The following ANKRD27 variants were observed in gnomAD, a reference collection of about 807,000 sequenced individuals.
The protein encoded by ANKRD27 is ankyrin repeat domain 27.
A neutral mutation model predicts 129.7 loss-of-function variants in ANKRD27; 112 were observed. The ratio of observed to expected loss-of-function variants is 0.86; its 90% CI spans 0.74 to 1.01. The LOEUF (loss-of-function observed/expected upper bound fraction) is 1.01, where lower values mean the gene tolerates loss of function less well. ANKRD27 is among the 50% of genes least tolerant of loss of function. The pLI, the probability that ANKRD27 is intolerant of heterozygous loss-of-function variation, is 0.00. For synonymous variants in ANKRD27, 516 were observed against 511.2 expected, an observed-to-expected ratio of 1.01 and a Z score of -0.13; for missense variants, 1,258 against 1,300.5, an observed-to-expected ratio of 0.97 and a Z score of 0.50.
At chr19:32,624,518 C>T (rs936299012) in intron 17 of ANKRD27, among the ~76,000 whole-genome samples, 8 of 152,186 alleles carry the variant, frequency 5.3e-5, no homozygotes, top group African/African-American at 1.9e-4. Flanking sequence ...GGCCTGAGCC[C>T]CACACACGTG....
rs1971581593 is a variant in ANKRD27, at chr19:32,597,140, CAAGAACATGGACAAAA to C, written c.*989_*1004del. The C allele has an allele frequency of 6.6e-6, 1 of 150,400 alleles. No individual in the cohort carries two copies. The highest frequency in any genetic ancestry group is 1.5e-5 in the Non-Finnish European group (1 of 67,506). The allele number at this position is 150,400 out of a possible 1,614,324, so 9.3% of individuals were successfully genotyped here. ...CCTTCTGTACATACACAAGTATTTCCAAGAACATGGACAAAACCATTTCCCTATCACAAGGTCATTT... is the reference window on the plus strand; with the variant it reads ...CCTTCTGTACATACACAAGTATTTCCCCATTTCCCTATCACAAGGTCATTT... On this transcript the variant is annotated 3_prime_UTR_variant, in exon 29 of 29. Transcript: ENST00000306065.
intron 12 of ANKRD27, among the ~76,000 whole-genome samples, chr19:32,634,184 T>TA (rs1423595401): frequency 5.9e-5 from 9 of 152,198 alleles, no homozygotes; most frequent in African/African-American, 2.2e-4. Context: ...TGTGAGGAGA[T>TA]ACACTTGGGA....
rs939949136 is a variant in ANKRD27, at chr19:32,607,753, G to A, written c.2255C>T (p.Ala752Val). The change falls in exon 23 of 29, where the codon GCC (alanine) becomes GTC (valine). Residue 752 changes from alanine to valine, a missense_variant. Ala to Val is a moderately conservative substitution (Grantham distance 64). Transcript: ENST00000306065. ...GATGAGGTCCGCCCGGCCGTGCAGG[G>A]CGGCGACATGCAGCGGGGAGGAGCC... ...QDGSSPLHVA[A>V]LHGRADLIPL... is the part of the protein sequence containing the mutation. 18 of 1,612,964 alleles carry A rather than the reference G, an allele frequency of 1.1e-5. No homozygotes were observed. Among genetic ancestry groups the A allele is most frequent in the Admixed American group, 6.7e-5 (4 of 59,888 alleles).
At chr19:32,616,820 G>A (rs563839813) in intron 21 of ANKRD27, among the ~76,000 whole-genome samples, 50 of 152,250 alleles carry the variant, frequency 3.3e-4, no homozygotes, top group African/African-American at 9.6e-4. Flanking sequence ...CGTGGCCCAG[G>A]AGTCCCAGCT....
chr19:32,632,475 C>G (rs1967012526), intron 12 of ANKRD27, among the ~76,000 whole-genome samples: 1 of 150,872 alleles, frequency 6.6e-6, no homozygotes, highest in Admixed American at 6.7e-5. Flanking sequence ...ATCCCAACTA[C>G]TCAGGAGGCT....
chr19:32,611,735 C>T (rs1024780671), intron 22 of ANKRD27, among the ~76,000 whole-genome samples: 7 of 152,142 alleles, frequency 4.6e-5, no homozygotes, highest in African/African-American at 1.2e-4. Context: ...GCATGCACCA[C>T]CACGGCCAGC....
At chr19:32,666,194 A>G (rs259271) in intron 1 of ANKRD27, 74,228 of 152,184 alleles carry the variant, frequency 0.49, 21,034 homozygotes, top group Non-Finnish European at 0.65. Flanking sequence ...TATTCTGTAT[A>G]GACTTTGCTG....
At chr19:32,636,736 T>TAC (rs1487883803) in intron 12 of ANKRD27, among the ~76,000 whole-genome samples, 4 of 148,542 alleles carry the variant, frequency 2.7e-5, no homozygotes, top group Non-Finnish European at 4.5e-5. Context: ...TATATATATA[T>TAC]ATATTTTTTA....
intron 2 of ANKRD27, chr19:32,655,225 T>C (rs1029800303): frequency 6.6e-6 from 1 of 152,364 alleles, no homozygotes; most frequent in Admixed American, 6.6e-5. Flanking sequence ...GCTCACGACA[T>C]CCCAGAGCTC....
At chr19:32,663,405 G>A (rs8112647) in intron 1 of ANKRD27, among the ~76,000 whole-genome samples, 15,571 of 152,176 alleles carry the variant, frequency 0.1, 2,528 homozygotes, top group African/African-American at 0.34. Context: ...CTGAAACCAC[G>A]TCCTTTCCAA....
At chr19:32,602,585 C>T (rs1456113243) in intron 25 of ANKRD27, among the ~76,000 whole-genome samples, 1 of 151,686 alleles carries the variant, frequency 6.6e-6, no homozygotes, top group African/African-American at 2.4e-5. Context: ...ATAGCAAGGC[C>T]CTGTCTCTAT....
intron 9 of ANKRD27, among the ~76,000 whole-genome samples, 165 bp from the exon 10 acceptor site, chr19:32,642,310 C>G (rs1246482540): frequency 6.6e-6 from 1 of 151,700 alleles, no homozygotes; most frequent in East Asian, 1.9e-4. Flanking sequence ...AGCGGCAAAA[C>G]AGAAGAGCCT....
intron 12 of ANKRD27, among the ~76,000 whole-genome samples, chr19:32,634,845 G>A (rs1967061011): frequency 6.6e-6 from 1 of 152,138 alleles, no homozygotes; most frequent in Non-Finnish European, 1.5e-5. Flanking sequence ...AACCCGGGAG[G>A]TGGAGGTTGC....
At position 32,644,312 on chromosome 19, in the gene ANKRD27, C is replaced by T. The variant is rs370162846; in HGVS notation, c.525+13G>A. 14 of 1,609,550 alleles carry T rather than the reference C, an allele frequency of 8.7e-6. No individual in the cohort carries two copies. The highest frequency in any genetic ancestry group is 1.1e-5 in the Non-Finnish European group (13 of 1,177,432). ...ACAGGGCACGCCAGGCAGAGGACAG[C>T]ACGGCTACTGACTATGTGGTGACGG... is the stretch of plus-strand genomic sequence containing the variant. On this transcript the variant is annotated intron_variant, in intron 5 of 28. Coordinates refer to ENST00000306065, the MANE Select transcript of ANKRD27 (RefSeq NM_032139.3).
intron 22 of ANKRD27, among the ~76,000 whole-genome samples, chr19:32,614,872 A>G (rs1971890409): frequency 6.6e-6 from 1 of 152,112 alleles, no homozygotes; most frequent in Non-Finnish European, 1.5e-5. Context: ...GATTGCATCA[A>G]TGTTGATATC....
chr19:32,628,800 T>C lies in ANKRD27; in HGVS notation c.1259A>G (p.Glu420Gly). The C allele has an allele frequency of 6.2e-7, 1 of 1,614,222 alleles. No homozygotes were observed. Among genetic ancestry groups the C allele is most frequent in the Non-Finnish European group, 8.5e-7 (1 of 1,180,028 alleles). ...TTGGACGGTATCTTTATCATGGTCC[T>C]CTTGGCTCAGAAGTCTCTCCACTTC... ...QKEVERLLSQEDHDKDTVQKM... is the reference protein window; with the variant it reads ...QKEVERLLSQGDHDKDTVQKM... Residue 420 changes from glutamate (E) to glycine (G), a missense_variant, in exon 14 of 29, where the codon GAG (glutamate) becomes GGG (glycine). Coordinates refer to ENST00000306065, the MANE Select transcript of ANKRD27 (RefSeq NM_032139.3).
intron 13 of ANKRD27, 122 bp from the exon 14 acceptor site, chr19:32,628,971 A>AAT: frequency 9.2e-7 from 1 of 1,092,038 alleles, no homozygotes; most frequent in Non-Finnish European, 1.3e-6. Flanking sequence ...CCCAGGCTGG[A>AAT]GTGCAATGGT....
chr19:32,613,550 T>C (rs1229221979), intron 22 of ANKRD27, among the ~76,000 whole-genome samples: 1 of 152,136 alleles, frequency 6.6e-6, no homozygotes, highest in Non-Finnish European at 1.5e-5. Context: ...CTACATGTCC[T>C]TGGACATTCC....
At chr19:32,613,032 C>T (rs1599738757) in intron 22 of ANKRD27, among the ~76,000 whole-genome samples, 1 of 151,838 alleles carries the variant, frequency 6.6e-6, no homozygotes, top group Non-Finnish European at 1.5e-5. Context: ...CTGCAAAGCA[C>T]GTATCTAACA....
Sources: allele counts gnomAD v4.1 joint callset (sites outside exome capture counted in the v4.1 genomes callset), GRCh38; gene constraint gnomAD v4.1.1; transcripts MANE v1.5; gene names NCBI Gene and HGNC (gene_info 2026-07-23, HGNC 2026-07-21).